The following ZHX2 variants were observed in gnomAD, a reference collection of about 807,000 sequenced individuals.
ZHX2 encodes the protein zinc fingers and homeoboxes protein 2.
ZHX2 carries 6 observed loss-of-function variants against 21.9 expected under a neutral mutation model. The observed-to-expected ratio is 0.27, with a 90% CI of 0.15 to 0.54. The LOEUF (loss-of-function observed/expected upper bound fraction) is 0.54. ZHX2 is among the 20% of genes least tolerant of loss of function. ZHX2 has a pLI of 0.95. For missense variants in ZHX2, 908 were observed against 1,090.7 expected, an observed-to-expected ratio of 0.83 and a Z score of 2.36; for synonymous variants, 434 against 437.1, an observed-to-expected ratio of 0.99 and a Z score of 0.09.
intron 2 of ZHX2, among the ~76,000 whole-genome samples, chr8:122,879,745 CTT>C (rs1456742154): frequency 3.3e-5 from 5 of 152,226 alleles, no homozygotes; most frequent in African/African-American, 1.2e-4. Context: ...CCCACACACT[CTT>C]AAGACTGTGT....
chr8:122,854,274 C>T (rs1040195058), intron 1 of ZHX2, among the ~76,000 whole-genome samples: 10 of 152,232 alleles, frequency 6.6e-5, no homozygotes, highest in South Asian at 2.1e-4. Context: ...AGGACTTGTA[C>T]GAATGCAGCT....
chr8:122,853,488 A>G (rs1818951440), intron 1 of ZHX2, among the ~76,000 whole-genome samples: 1 of 152,166 alleles, frequency 6.6e-6, no homozygotes, highest in African/African-American at 2.4e-5. Context: ...ACTCCCGGTC[A>G]TGTAAGACAA....
intron 3 of ZHX2, among the ~76,000 whole-genome samples, chr8:122,958,381 G>A (rs370317579): frequency 3.3e-4 from 50 of 152,260 alleles, no homozygotes; most frequent in African/African-American, 1.1e-3. Flanking sequence ...TATTTTTTCA[G>A]AAAAATGAGT....
At chr8:122,883,502 A>C (rs1476455179) in intron 2 of ZHX2, among the ~76,000 whole-genome samples, 3 of 152,242 alleles carry the variant, frequency 2.0e-5, no homozygotes, top group African/African-American at 7.2e-5. Flanking sequence ...GAGTGGCAAT[A>C]TGGAACACAC....
chr8:122,894,781 A>G (rs1019379915), intron 2 of ZHX2, among the ~76,000 whole-genome samples: 1 of 152,134 alleles, frequency 6.6e-6, no homozygotes, highest in African/African-American at 2.4e-5. Context: ...ATGTACCCTA[A>G]AACTTAAAGT....
intron 2 of ZHX2, among the ~76,000 whole-genome samples, chr8:122,877,915 C>A (rs1819608532): frequency 6.6e-6 from 1 of 152,058 alleles, no homozygotes; most frequent in African/African-American, 2.4e-5. Flanking sequence ...CAAATATGAC[C>A]TATTTATTTA....
chr8:122,807,276 T>C (rs930331540), intron 1 of ZHX2, among the ~76,000 whole-genome samples: 2 of 152,154 alleles, frequency 1.3e-5, no homozygotes, highest in Non-Finnish European at 2.9e-5. Flanking sequence ...AAAAATGAAA[T>C]TGAAAATATT....
chr8:122,867,016 A>G (rs1819317176), intron 2 of ZHX2, among the ~76,000 whole-genome samples: 2 of 148,472 alleles, frequency 1.3e-5, no homozygotes, highest in South Asian at 4.3e-4. Context: ...TATTTTTAGT[A>G]GAGACAGGGT....
At chr8:122,814,283 G>T (rs576212765) in intron 1 of ZHX2, among the ~76,000 whole-genome samples, 1 of 152,160 alleles carries the variant, frequency 6.6e-6, no homozygotes, top group African/African-American at 2.4e-5. Flanking sequence ...TTTATTCTCC[G>T]GGAACTGGCT....
At chr8:122,908,376 T>C (rs1820395860) in intron 2 of ZHX2, among the ~76,000 whole-genome samples, 1 of 152,136 alleles carries the variant, frequency 6.6e-6, no homozygotes, top group Admixed American at 6.5e-5. Flanking sequence ...ATTTGTTTTT[T>C]ATTTTTTATT....
chr8:122,844,651 G>C (rs1818713553), intron 1 of ZHX2, among the ~76,000 whole-genome samples: 1 of 152,182 alleles, frequency 6.6e-6, no homozygotes, highest in African/African-American at 2.4e-5. Flanking sequence ...TTTCTAGACA[G>C]AGCACCCCCA....
At chr8:122,864,746 A>C (rs1240787402) in intron 2 of ZHX2, among the ~76,000 whole-genome samples, 5 of 152,126 alleles carry the variant, frequency 3.3e-5, no homozygotes, top group African/African-American at 1.2e-4. Flanking sequence ...GGGCAGTATC[A>C]CATACTCCAG....
intron 2 of ZHX2, among the ~76,000 whole-genome samples, chr8:122,909,972 G>GA (rs1166265290): frequency 4.6e-5 from 7 of 152,078 alleles, no homozygotes; most frequent in African/African-American, 1.4e-4. Context: ...CAGCCTCTCA[G>GA]AAAAGATTTG....
chr8:122,784,972 A>G (rs990733023), intron 1 of ZHX2, among the ~76,000 whole-genome samples: 1 of 152,232 alleles, frequency 6.6e-6, no homozygotes, highest in Non-Finnish European at 1.5e-5. Flanking sequence ...TGCTCCAGAC[A>G]TTATGGAGAT....
At chr8:122,949,551 A>G (rs1007357420) in intron 2 of ZHX2, among the ~76,000 whole-genome samples, 1 of 152,058 alleles carries the variant, frequency 6.6e-6, no homozygotes, top group African/African-American at 2.4e-5. Flanking sequence ...CAAGCATATT[A>G]AAACAGTCTT....
chr8:122,929,714 T>C (rs1481140262), intron 2 of ZHX2, among the ~76,000 whole-genome samples: 2 of 152,154 alleles, frequency 1.3e-5, no homozygotes, highest in African/African-American at 4.8e-5. Context: ...GACATGGTTT[T>C]CGTGTCTGAA....
chr8:122,832,247 A>T (rs777637672), intron 1 of ZHX2, among the ~76,000 whole-genome samples: 1 of 151,998 alleles, frequency 6.6e-6, no homozygotes. Flanking sequence ...CAGAGATGAG[A>T]CTTAGTACAC....
chr8:122,944,387 A>C (rs1812916760), intron 2 of ZHX2, among the ~76,000 whole-genome samples: 1 of 152,174 alleles, frequency 6.6e-6, no homozygotes, highest in African/African-American at 2.4e-5. Context: ...AGAAGAGGAA[A>C]GTTGCCTCCC....
chr8:122,920,785 A>G (rs1040339235), intron 2 of ZHX2, among the ~76,000 whole-genome samples: 2 of 152,198 alleles, frequency 1.3e-5, no homozygotes, highest in East Asian at 3.9e-4. Flanking sequence ...ATTGGGAAGC[A>G]CAAGGGCAGG....
Sources: allele counts gnomAD v4.1 joint callset (sites outside exome capture counted in the v4.1 genomes callset), GRCh38; gene constraint gnomAD v4.1.1; transcripts MANE v1.5; gene names NCBI Gene and HGNC (gene_info 2026-07-23, HGNC 2026-07-21).